HDAC9: variants seen among roughly 807,000 people sequenced by gnomAD.
HDAC9 encodes the protein MEF-2 interacting transcription repressor (MITR) protein.
A neutral mutation model predicts 139.4 loss-of-function variants in HDAC9; 41 were observed. That is an observed-to-expected ratio of 0.29 (90% CI 0.23 to 0.38). HDAC9 has a LOEUF of 0.38. Ranked by LOEUF, HDAC9 falls within the 10% of genes least tolerant of loss-of-function variation. The pLI is 1.00. For missense variants in HDAC9, 1,147 were observed against 1,297.0 expected (o/e 0.88, Z 1.78); for synonymous variants, 517 against 476.2 (o/e 1.09, Z -1.12).
intron 1 of HDAC9, among the ~76,000 whole-genome samples, chr7:18,382,478 T>C (rs1408501998): frequency 6.6e-6 from 1 of 152,250 alleles, no homozygotes; most frequent in Non-Finnish European, 1.5e-5. Flanking sequence ...TCATTAAGTA[T>C]TGAGTATCTG....
chr7:18,728,267 A>G (rs1178127263), intron 13 of HDAC9, among the ~76,000 whole-genome samples: 1 of 152,012 alleles, frequency 6.6e-6, no homozygotes, highest in Non-Finnish European at 1.5e-5. Context: ...TTTCATTTCT[A>G]TTCATTATGG....
intron 1 of HDAC9, among the ~76,000 whole-genome samples, chr7:18,411,959 G>A (rs1181303594): frequency 6.6e-6 from 1 of 151,426 alleles, no homozygotes; most frequent in Non-Finnish European, 1.5e-5. Flanking sequence ...CTGAGTAGCT[G>A]GGACTACAGG....
chr7:18,530,903 T>C (rs1256132966), intron 2 of HDAC9, among the ~76,000 whole-genome samples: 1 of 151,630 alleles, frequency 6.6e-6, no homozygotes, highest in Non-Finnish European at 1.5e-5. Flanking sequence ...ATATAAAGGC[T>C]TACAGTGAAA....
chr7:18,612,069 A>G (rs1476957095), intron 6 of HDAC9, among the ~76,000 whole-genome samples: 1 of 152,086 alleles, frequency 6.6e-6, no homozygotes, highest in Non-Finnish European at 1.5e-5. Context: ...AGTAGTGCCA[A>G]AATATGTTAA....
chr7:18,619,906 G>A (rs1055298002), intron 6 of HDAC9, among the ~76,000 whole-genome samples: 3 of 152,090 alleles, frequency 2.0e-5, no homozygotes, highest in Admixed American at 6.6e-5. Flanking sequence ...AAGCCCTGGA[G>A]GATCCTCTTT....
Position 18,447,901 on chromosome 7 carries a change from G to A in HDAC9, c.-41-48361G>A, listed in dbSNP as rs183548372. ...CTGTCACCCACGCTGTAGTGGAGTG[G>A]CATGATCTCTGCTCACTGCAGTTCT... On this transcript the variant is annotated intron_variant, in intron 1 of 3. Coordinates refer to the HDAC9 transcript ENST00000413509. Among the ~76,000 whole-genome samples the A allele has an allele frequency of 3.5e-4, 53 of 152,264 alleles. No individual in the cohort carries two copies. The East Asian group carries it at 6.9e-3, about 20-fold the overall frequency.
At chr7:18,711,345 C>G (rs1389028359) in intron 12 of HDAC9, among the ~76,000 whole-genome samples, 1 of 152,212 alleles carries the variant, frequency 6.6e-6, no homozygotes, top group Non-Finnish European at 1.5e-5. Context: ...GTTCCGGCTG[C>G]TGTCAACTGA....
intron 2 of HDAC9, among the ~76,000 whole-genome samples, chr7:18,529,365 A>C (rs1465155364): frequency 1.3e-5 from 2 of 152,188 alleles, no homozygotes; most frequent in Non-Finnish European, 2.9e-5. Flanking sequence ...GTAGGAAAGC[A>C]GCCAATAAAA....
intron 2 of HDAC9, among the ~76,000 whole-genome samples, chr7:18,565,586 T>C (rs556771135): frequency 1.8e-3 from 270 of 152,258 alleles, no homozygotes; most frequent in Non-Finnish European, 3.2e-3. Flanking sequence ...AAGAGTTCTT[T>C]AGCTGTTGAA....
intron 1 of HDAC9, among the ~76,000 whole-genome samples, chr7:18,121,502 T>A: frequency 6.9e-6 from 1 of 145,324 alleles, no homozygotes; most frequent in Admixed American, 6.9e-5. Context: ...ACAGGACATG[T>A]AGCTAATACA....
intron 1 of HDAC9, among the ~76,000 whole-genome samples, chr7:18,307,997 C>A (rs1799044631): frequency 6.6e-6 from 1 of 152,148 alleles, no homozygotes; most frequent in East Asian, 1.9e-4. Flanking sequence ...TACTTGGAAG[C>A]TTTTCAAAAA....
chr7:18,927,927 G>T (rs1374827140), intron 22 of HDAC9, among the ~76,000 whole-genome samples: 1 of 152,156 alleles, frequency 6.6e-6, no homozygotes, highest in Non-Finnish European at 1.5e-5. Context: ...GAAAATAATA[G>T]TTGGGGGGAG....
intron 1 of HDAC9, among the ~76,000 whole-genome samples, chr7:18,146,224 A>G (rs73315770): frequency 0.024 from 3,640 of 152,284 alleles, 143 homozygotes; most frequent in African/African-American, 0.082. Flanking sequence ...GCTATTTCTT[A>G]CATCACTGTT....
rs373907257 is a variant in HDAC9, at chr7:18,724,485, A to G, written c.1732-3095A>G. Among the ~76,000 whole-genome samples the G allele has an allele frequency of 2.2e-4, 33 of 152,330 alleles. No homozygotes were observed. The East Asian group carries it at 2.9e-3, about 13-fold the overall frequency. On this transcript the variant is annotated intron_variant, in intron 12 of 25. Transcript: ENST00000686413. ...GGCACTTAGAATGAGTGGAGCTTGC[A>G]TAACTGGAAGTTGCTGTGGGTGAGT...
At chr7:18,142,790 G>A (rs552365747) in intron 1 of HDAC9, among the ~76,000 whole-genome samples, 3 of 152,284 alleles carry the variant, frequency 2.0e-5, no homozygotes, top group South Asian at 2.1e-4. Flanking sequence ...CCTAGAGGAC[G>A]TGGCGGGTCA....
intron 12 of HDAC9, among the ~76,000 whole-genome samples, chr7:18,725,343 T>A (rs1479740975): frequency 6.6e-6 from 1 of 152,192 alleles, no homozygotes; most frequent in African/African-American, 2.4e-5. Flanking sequence ...CGGAATGATA[T>A]CTGATATTCA....
chr7:18,156,015 G>C (rs940970177), intron 1 of HDAC9, among the ~76,000 whole-genome samples: 26 of 152,092 alleles, frequency 1.7e-4, no homozygotes, highest in Admixed American at 1.6e-3. Flanking sequence ...CTATTCCTCA[G>C]GACAACATAA....
intron 2 of HDAC9, among the ~76,000 whole-genome samples, chr7:18,216,364 A>G (rs1430158370): frequency 6.6e-6 from 1 of 152,126 alleles, no homozygotes; most frequent in African/African-American, 2.4e-5. Flanking sequence ...TGCCATCCCA[A>G]TATTTTCAAA....
At chr7:18,939,617 AGT>A (rs1781884652) in intron 23 of HDAC9, among the ~76,000 whole-genome samples, 1 of 152,186 alleles carries the variant, frequency 6.6e-6, no homozygotes, top group Non-Finnish European at 1.5e-5. Context: ...CTTTTAGAAA[AGT>A]AATATATAAG....
Sources: gnomAD v4.1 joint callset for allele counts (sites outside exome capture counted in the v4.1 genomes callset) on GRCh38, gnomAD v4.1.1 for gene constraint, MANE v1.5 for transcripts, NCBI Gene and HGNC (gene_info 2026-07-23, HGNC 2026-07-21) for gene names.